RBM19: variants seen among roughly 807,000 people sequenced by gnomAD.
RBM19 encodes probable RNA-binding protein 19.
In RBM19, 94 loss-of-function variants were observed where a neutral mutation model predicts 116.8. The observed-to-expected ratio is 0.80, with a 90% CI of 0.68 to 0.95. The LOEUF (loss-of-function observed/expected upper bound fraction) is 0.95, where lower values mean the gene tolerates loss of function less well. Ranked by LOEUF, RBM19 falls within the 40% of genes least tolerant of loss-of-function variation. RBM19 has a pLI of 0.00. For synonymous variants in RBM19, 475 were observed against 494.1 expected, an observed-to-expected ratio of 0.96 and a Z score of 0.51; for missense variants, 1,161 against 1,220.7, an observed-to-expected ratio of 0.95 and a Z score of 0.73.
At chr12:113,919,707 C>G (rs921788243) in intron 19 of RBM19, among the ~76,000 whole-genome samples, 1 of 152,180 alleles carries the variant, frequency 6.6e-6, no homozygotes, top group African/African-American at 2.4e-5. Flanking sequence ...TAGGATCCAG[C>G]AGGAAGGCAT....
At chr12:113,837,508 C>T (rs7137339) in intron 23 of RBM19, among the ~76,000 whole-genome samples, 89,542 of 152,180 alleles carry the variant, frequency 0.59, 27,297 homozygotes, top group East Asian at 0.98. Flanking sequence ...ATCTCCTTTA[C>T]AGGCATCCTT....
At position 113,914,874 on chromosome 12, in the gene RBM19, C is replaced by T. The variant is rs533334063; in HGVS notation, c.2558+95G>A. On this transcript the variant is annotated intron_variant, in intron 21 of 23. Transcript: ENST00000261741. Reference sequence around the variant, plus strand: ...GAAAGACCACTGTGCCGGCCTGCAACGGAACCATCCAGGACCCAAAGGCCA... The same window carrying T: ...GAAAGACCACTGTGCCGGCCTGCAATGGAACCATCCAGGACCCAAAGGCCA... The T allele has an allele frequency of 3.9e-5, 42 of 1,076,390 alleles. No individual in the cohort carries two copies. The Middle Eastern group carries it at 1.6e-3, about 42-fold the overall frequency. The allele number at this position is 1,076,390 out of a possible 1,614,324, so 66.7% of individuals were successfully genotyped here.
chr12:113,954,107 T>C (rs1266271584), intron 7 of RBM19, among the ~76,000 whole-genome samples: 1 of 152,104 alleles, frequency 6.6e-6, no homozygotes, highest in Non-Finnish European at 1.5e-5. Flanking sequence ...TGTAGCAGAG[T>C]ATATTCAATA....
intron 6 of RBM19, among the ~76,000 whole-genome samples, chr12:113,956,073 C>T (rs1251491280): frequency 5.9e-5 from 9 of 152,120 alleles, no homozygotes; most frequent in Admixed American, 5.9e-4. Context: ...GTATCTCACC[C>T]AAGGACCAAC....
chr12:113,877,266 T>C (rs1237358929), intron 21 of RBM19, among the ~76,000 whole-genome samples: 1 of 152,244 alleles, frequency 6.6e-6, no homozygotes, highest in African/African-American at 2.4e-5. Context: ...GGAACTGTGC[T>C]GTCCCAGGAA....
chr12:113,942,296 G>C (rs1340223427), intron 14 of RBM19, 28 bp downstream of exon 14: 1 of 1,576,124 alleles, frequency 6.3e-7, no homozygotes, highest in Non-Finnish European at 8.6e-7. Flanking sequence ...GTGGCTGCTG[G>C]CTGGCTGGCG....
At chr12:113,906,804 C>T (rs1187030384) in intron 21 of RBM19, among the ~76,000 whole-genome samples, 4 of 152,034 alleles carry the variant, frequency 2.6e-5, no homozygotes, top group African/African-American at 4.8e-5. Flanking sequence ...GTACTTGAAA[C>T]CTGTAATGTG....
intron 19 of RBM19, 137 bp downstream of exon 19, chr12:113,920,472 CGT>C: frequency 1.3e-6 from 1 of 785,878 alleles, no homozygotes; most frequent in East Asian, 2.4e-5. Flanking sequence ...GCCACAGTCC[CGT>C]AGAGATCTGG....
chr12:113,909,878 C>T lies in RBM19; in HGVS notation c.2558+5091G>A, dbSNP rs567524080. On this transcript the variant is annotated intron_variant, in intron 21 of 23. Coordinates refer to ENST00000261741, the MANE Select transcript of RBM19 (RefSeq NM_016196.4). Reference sequence around the variant, plus strand: ...TTCATGAGCCCGGCACTACGCTAGGCGTCTCACATACTTGACTCATCTTTT... The same window carrying T: ...TTCATGAGCCCGGCACTACGCTAGGTGTCTCACATACTTGACTCATCTTTT... Among the ~76,000 whole-genome samples the T allele has an allele frequency of 3.3e-4, 51 of 152,328 alleles. 1 individual carries two copies. The highest frequency in any genetic ancestry group is 2.1e-3 in the Admixed American group (32 of 15,310).
chr12:113,962,548 T>C (rs1236453825), intron 1 of RBM19, 134 bp from the exon 2 acceptor site: 11 of 830,122 alleles, frequency 1.3e-5, no homozygotes, highest in Non-Finnish European at 2.0e-5. Flanking sequence ...TGTACTTTTC[T>C]AGTTACAACA....
intron 23 of RBM19, among the ~76,000 whole-genome samples, chr12:113,842,812 A>G (rs1277427969): frequency 6.8e-6 from 1 of 147,310 alleles, no homozygotes; most frequent in Non-Finnish European, 1.5e-5. Context: ...TTATCAGGTT[A>G]AAAAAAAAAA....
At chr12:113,957,291 A>G (rs1439064193) in intron 6 of RBM19, among the ~76,000 whole-genome samples, 1 of 152,208 alleles carries the variant, frequency 6.6e-6, no homozygotes. Context: ...AAATAAATGC[A>G]GAGGCTGGGT....
chr12:113,852,045 T>A (rs1041571157), intron 22 of RBM19, among the ~76,000 whole-genome samples: 2 of 94,162 alleles, frequency 2.1e-5, no homozygotes, highest in East Asian at 1.3e-3. Context: ...AACGAGATTG[T>A]CTCAAAAAAA....
chr12:113,914,965 T>C lies in RBM19; in HGVS notation c.2558+4A>G, dbSNP rs1882681973. The C allele has an allele frequency of 6.2e-7, 1 of 1,611,414 alleles. No individual in the cohort carries two copies. The highest frequency in any genetic ancestry group is 2.2e-5 in the East Asian group (1 of 44,874). ...GTCCCCTGGACTAAACCTGAAGTTC[T>C]CACCTGAAGAGCTCTCGGATCTCCC... is the stretch of plus-strand genomic sequence containing the variant. On this transcript the variant is annotated splice_donor_region_variant and intron_variant, in intron 21 of 23. Transcript: ENST00000261741.
At chr12:113,832,374 G>A (rs1875502871) in intron 23 of RBM19, among the ~76,000 whole-genome samples, 1 of 152,154 alleles carries the variant, frequency 6.6e-6, no homozygotes, top group Non-Finnish European at 1.5e-5. Flanking sequence ...ATTTTTAGAA[G>A]AGACAGGGCT....
intron 2 of RBM19, among the ~76,000 whole-genome samples, 156 bp from the exon 3 acceptor site, chr12:113,960,334 C>G (rs1398835594): frequency 6.6e-6 from 1 of 152,214 alleles, no homozygotes; most frequent in Non-Finnish European, 1.5e-5. Context: ...CCTGGGCTTT[C>G]TTTCCCTTCA....
chr12:113,889,543 C>T (rs1301592857), intron 21 of RBM19, among the ~76,000 whole-genome samples: 1 of 152,172 alleles, frequency 6.6e-6, no homozygotes, highest in East Asian at 1.9e-4. Context: ...AGTCACTCTG[C>T]CTTTAAGACC....
chr12:113,959,795 C>A (rs1872323593), intron 4 of RBM19, 70 bp downstream of exon 4: 1 of 1,471,700 alleles, frequency 6.8e-7, no homozygotes, highest in Non-Finnish European at 9.1e-7. Flanking sequence ...AGCCTCTACC[C>A]TCTCCAGTCT....
At chr12:113,820,045 G>C (rs1238631203), downstream of RBM19, among the ~76,000 whole-genome samples, 1 of 151,974 alleles carries the variant, frequency 6.6e-6, no homozygotes, top group East Asian at 1.9e-4. Flanking sequence ...GACAGGGGAT[G>C]GGGGATAGGG....
Sources: allele counts gnomAD v4.1 joint callset (sites outside exome capture counted in the v4.1 genomes callset), GRCh38; gene constraint gnomAD v4.1.1; transcripts MANE v1.5; gene names NCBI Gene and HGNC (gene_info 2026-07-23, HGNC 2026-07-21).